The following RAB11FIP5 variants were observed in gnomAD, a reference collection of about 807,000 sequenced individuals.
RAB11FIP5 encodes the protein RAB11 family interacting protein 5.
In RAB11FIP5, 48 loss-of-function variants were observed where a neutral mutation model predicts 85.1. That is an observed-to-expected ratio of 0.56 (90% CI 0.45 to 0.72). The LOEUF (loss-of-function observed/expected upper bound fraction) is 0.72, where lower values mean the gene tolerates loss of function less well. Among genes scored for constraint, RAB11FIP5 ranks in the 30% least tolerant of loss-of-function variants. The pLI, the probability that RAB11FIP5 is intolerant of heterozygous loss-of-function variation, is 0.00. For synonymous variants in RAB11FIP5, 729 were observed against 727.3 expected (o/e 1.00, Z -0.04); for missense variants, 1,491 against 1,687.0 (o/e 0.88, Z 2.04).
In RAB11FIP5 at chr2:73,095,585, T is replaced by C. The variant is rs989480912; in HGVS notation, c.432-6270A>G. ...GGCTCTGCAGCTCTTTTATTATCCA[T>C]GCAACCAGCCCAGGAGATGGGAGGC... On this transcript the variant is annotated intron_variant, in intron 1 of 5. Transcript: ENST00000486777. Among the ~76,000 whole-genome samples the C allele has an allele frequency of 2.0e-5, 3 of 152,150 alleles. No homozygotes were observed. The South Asian group carries it at 6.2e-4, about 31-fold the overall frequency.
chr2:73,099,484 G>A (rs550371697), intron 1 of RAB11FIP5, among the ~76,000 whole-genome samples: 3 of 152,220 alleles, frequency 2.0e-5, no homozygotes, highest in Admixed American at 1.3e-4. Context: ...CTCCCTGCCC[G>A]CTGCATGGCA....
At chr2:73,097,644 C>G (rs1684347505) in intron 1 of RAB11FIP5, among the ~76,000 whole-genome samples, 2 of 152,204 alleles carry the variant, frequency 1.3e-5, no homozygotes, top group African/African-American at 4.8e-5. Flanking sequence ...CTTGTGAGAG[C>G]TGGAGCTCCC....
chr2:73,102,928 A>G (rs1387549182), intron 1 of RAB11FIP5, among the ~76,000 whole-genome samples: 1 of 152,160 alleles, frequency 6.6e-6, no homozygotes, highest in African/African-American at 2.4e-5. Context: ...AGACAAGGTA[A>G]AGTGAAACTA....
chr2:73,089,701 T>G lies in RAB11FIP5; in HGVS notation c.432-386A>C. 8.7e-6 allele frequency: 3 copies of G among 346,572 alleles called. No individual in the cohort carries two copies. The highest frequency in any genetic ancestry group is 7.9e-5 in the East Asian group (1 of 12,736). The allele number at this position is 346,572 out of a possible 1,614,324, so 21.5% of individuals were successfully genotyped here. ...GGTGAGGCTGGGCCTGGGAGAGCCC[T>G]CCCATCTCCAGGCCCCAGCACAGAC... On this transcript the variant is annotated intron_variant, in intron 1 of 5. Transcript: ENST00000486777. The surrounding 1 kb of genome is among the most constrained non-coding windows in gnomAD (Gnocchi z 4.6).
Position 73,088,236 on chromosome 2 carries a change from C to A in RAB11FIP5, c.1382G>T (p.Arg461Leu), listed in dbSNP as rs148220987. 1.1e-3 allele frequency: 1,768 copies of A among 1,613,884 alleles called. 21 individuals are homozygous for A. The highest frequency in any genetic ancestry group is 1.4e-4 in the Non-Finnish European group (170 of 1,180,012). The stretch of plus-strand genomic sequence containing the variant: ...GTGGTGGTGGTGGAAGAGACCCATC[C>A]GGGGCTTGCGTTCCTCCTTCCGGGC... Reference protein sequence around the residue: ...EGARKEERKPRMGLFHHHHQG... With the variant: ...EGARKEERKPLMGLFHHHHQG... Residue 461 changes from arginine to leucine, a missense_variant, in exon 3 of 6, where the codon CGG (arginine) becomes CTG (leucine). Arg to Leu is a moderately radical substitution (Grantham distance 102, BLOSUM62 -2). Transcript: ENST00000486777.
chr2:73,087,555 G>A (rs1684113334), intron 3 of RAB11FIP5, among the ~76,000 whole-genome samples: 2 of 152,170 alleles, frequency 1.3e-5, no homozygotes, highest in Admixed American at 1.3e-4. Context: ...GGTGGCTTCA[G>A]TTATTTGACT....
chr2:73,096,269 C>T (rs1684317570), intron 1 of RAB11FIP5, among the ~76,000 whole-genome samples: 2 of 152,202 alleles, frequency 1.3e-5, no homozygotes. Flanking sequence ...CAGCTCTCCA[C>T]CTAGTTCTCA....
intron 1 of RAB11FIP5, among the ~76,000 whole-genome samples, chr2:73,107,138 A>C (rs1032558644): frequency 1.3e-5 from 2 of 152,264 alleles, no homozygotes; most frequent in African/African-American, 4.8e-5. Context: ...GGTGCACAGC[A>C]GACTCACATG....
At chr2:73,093,412 G>A (rs1558520960) in intron 1 of RAB11FIP5, among the ~76,000 whole-genome samples, 1 of 152,200 alleles carries the variant, frequency 6.6e-6, no homozygotes, top group African/African-American at 2.4e-5. Flanking sequence ...CATGTCCTGG[G>A]CACCCAAGGT....
intron 1 of RAB11FIP5, among the ~76,000 whole-genome samples, chr2:73,102,661 T>G (rs939093812): frequency 1.8e-4 from 27 of 152,104 alleles, no homozygotes; most frequent in Non-Finnish European, 7.4e-5. Flanking sequence ...TGACCTCTTA[T>G]CCCTCACCAC....
chr2:73,092,498 T>C (rs1302720310), intron 1 of RAB11FIP5, among the ~76,000 whole-genome samples: 1 of 152,218 alleles, frequency 6.6e-6, no homozygotes, highest in Non-Finnish European at 1.5e-5. Context: ...GGAAAGCTCT[T>C]GCTCCTATCT....
rs745642392 is a variant in RAB11FIP5, at chr2:73,076,022, C to A, written c.3742G>T (p.Gly1248Cys). The change falls in exon 5 of 6, where the codon GGC becomes TGC. Residue 1248 changes from glycine to cysteine, a missense_variant. Physicochemically the swap from Gly to Cys is radical, Grantham distance 159. This residue lies in a region of RAB11FIP5 where 232 missense variants were observed against 259.1 expected (regional missense o/e 0.90). Coordinates refer to ENST00000486777, the MANE Select transcript of RAB11FIP5 (RefSeq NM_001371272.1). ...AGCCTTTTGGTGTCCACCATCTGGC[C>A]AGCCTGGGGGGCCTGGGTCACAGGC... is the stretch of plus-strand genomic sequence containing the variant. ...IQPVTQAPQA[G>C]QMVDTKRLKD... 1.9e-6 allele frequency: 3 copies of A among 1,613,928 alleles called. No homozygotes were observed. In the South Asian group the frequency reaches 3.3e-5, roughly 18 times the overall value.
In RAB11FIP5 at chr2:73,088,502, A is replaced by G; in HGVS notation, c.1116T>C (p.Ser372=). The part of the protein sequence containing the change: ...LPSSGSLQAV[S]SRFSEEGPRS... ...GAGGCCCCTCCTCGGAGAACCGGGAAGAGACAGCTTGCAAGGAGCCAGAGG... is the reference window on the plus strand; with the variant it reads ...GAGGCCCCTCCTCGGAGAACCGGGAGGAGACAGCTTGCAAGGAGCCAGAGG... Residue 372 remains serine (S), a synonymous_variant, in exon 3 of 6, where the codon TCT becomes TCC. Coordinates refer to ENST00000486777, the MANE Select transcript of RAB11FIP5 (RefSeq NM_001371272.1). 3 of 1,614,024 alleles carry G rather than the reference A, an allele frequency of 1.9e-6. No homozygotes were observed. Among genetic ancestry groups the G allele is most frequent in the South Asian group, 2.2e-5 (2 of 91,088 alleles).
chr2:73,095,288 G>A (rs1414477925), intron 1 of RAB11FIP5, among the ~76,000 whole-genome samples: 1 of 152,230 alleles, frequency 6.6e-6, no homozygotes, highest in Non-Finnish European at 1.5e-5. Flanking sequence ...CACAGTAAGA[G>A]AAAATTCCTT....
At chr2:73,106,076 A>G (rs1350272643) in intron 1 of RAB11FIP5, among the ~76,000 whole-genome samples, 1 of 152,132 alleles carries the variant, frequency 6.6e-6, no homozygotes, top group Non-Finnish European at 1.5e-5. Context: ...AAAGAAAGAA[A>G]AAGCAAAGTC....
At chr2:73,111,421 C>G (rs575060177) in intron 1 of RAB11FIP5, among the ~76,000 whole-genome samples, 1 of 152,288 alleles carries the variant, frequency 6.6e-6, no homozygotes, top group East Asian at 1.9e-4. Context: ...AGATCACTCC[C>G]AAGTTAACCA....
rs1683956728 is a variant in RAB11FIP5 at position 73,080,641 on chromosome 2, G to T, written c.2591C>A (p.Pro864His). The T allele has an allele frequency of 1.6e-6, 2 of 1,232,274 alleles. No individual in the cohort carries two copies. Among genetic ancestry groups the T allele is most frequent in the African/African-American group, 1.6e-5 (1 of 64,416 alleles). The allele number at this position is 1,232,274 out of a possible 1,614,324, so 76.3% of individuals were successfully genotyped here. A position where few individuals can be genotyped will look rare whatever the true frequency, so the allele number is the denominator to read the frequency against. The change falls in exon 4 of 6, where the codon CCT becomes CAT. Residue 864 changes from proline (P) to histidine (H), a missense_variant. Physicochemically the swap from Pro to His is moderately conservative, Grantham distance 77. Around this residue, in one of 3 missense-constraint regions of RAB11FIP5, gnomAD observed 1,211 missense variants for 1,338.0 expected, o/e 0.91. Transcript: ENST00000486777. ...ESDEPAPQVQ[P>H]ESPETVSPKG... Reference sequence around the variant, plus strand: ...GGGGCTCACAGTTTCTGGTGATTCAGGCTGCACCTGGGGAGCAGGCTCATC... The same window carrying T: ...GGGGCTCACAGTTTCTGGTGATTCATGCTGCACCTGGGGAGCAGGCTCATC...
chr2:73,077,852 T>C (rs945014017), intron 4 of RAB11FIP5, among the ~76,000 whole-genome samples: 2 of 152,210 alleles, frequency 1.3e-5, no homozygotes, highest in Non-Finnish European at 2.9e-5. Flanking sequence ...GGGGGACCTC[T>C]TACAAATCTA....
intron 1 of RAB11FIP5, among the ~76,000 whole-genome samples, chr2:73,090,980 C>T (rs938340644): frequency 6.6e-6 from 1 of 151,956 alleles, no homozygotes; most frequent in Admixed American, 6.6e-5. Context: ...GCGGTGGGGG[C>T]GTGGGTGGAG....
Sources: gnomAD v4.1 joint callset for allele counts (sites outside exome capture counted in the v4.1 genomes callset) on GRCh38, gnomAD v4.1.1 for gene constraint, gnomAD v4.1.1 regional missense constraint, Gnocchi (gnomAD v3.1) non-coding constraint, MANE v1.5 for transcripts, NCBI Gene and HGNC (gene_info 2026-07-23, HGNC 2026-07-21) for gene names.